The following RPS6KC1 variants were observed in gnomAD, a reference collection of about 807,000 sequenced individuals.
RPS6KC1 encodes the protein ribosomal protein S6 kinase C1.
RPS6KC1 carries 54 observed loss-of-function variants against 103.8 expected under a neutral mutation model. That is an observed-to-expected ratio of 0.52 (90% confidence interval 0.42 to 0.65). The LOEUF (loss-of-function observed/expected upper bound fraction) is 0.65. Ranked by LOEUF, RPS6KC1 falls within the 30% of genes least tolerant of loss-of-function variation. The pLI, the probability that RPS6KC1 is intolerant of heterozygous loss-of-function variation, is 0.00. For missense variants in RPS6KC1, 1,151 were observed against 1,253.8 expected (o/e 0.92, Z 1.24); for synonymous variants, 439 against 438.7 (o/e 1.00, Z -0.01).
chr1:213,763,824 C>G, the RPS6KC1 span, among the ~76,000 whole-genome samples: 1 of 152,206 alleles, frequency 6.6e-6, no homozygotes, highest in Non-Finnish European at 1.5e-5. Flanking sequence ...GATGGGCAAG[C>G]AGGCACAGGA....
chr1:213,778,557 C>T, the RPS6KC1 span, among the ~76,000 whole-genome samples: 12 of 151,724 alleles, frequency 7.9e-5, no homozygotes, highest in African/African-American at 2.4e-4. Flanking sequence ...TGGCCTGATC[C>T]TTTTTTTTCT....
chr1:213,687,176 A>G, the RPS6KC1 span, among the ~76,000 whole-genome samples: 2 of 152,126 alleles, frequency 1.3e-5, no homozygotes, highest in Non-Finnish European at 2.9e-5. Flanking sequence ...TTATCCTGTG[A>G]CTAAGAATGT....
the RPS6KC1 span, among the ~76,000 whole-genome samples, chr1:213,440,593 T>TAAAAA: frequency 2.2e-4 from 22 of 100,370 alleles, no homozygotes; most frequent in East Asian, 3.1e-4. Flanking sequence ...TTAATGGAAC[T>TAAAAA]AAAAAAAAAA....
At chr1:213,071,362 C>T (rs1387829153) in intron 2 of RPS6KC1, among the ~76,000 whole-genome samples, 1 of 152,148 alleles carries the variant, frequency 6.6e-6, no homozygotes, top group East Asian at 1.9e-4. Context: ...TTCCTGACCT[C>T]AGGTGATCCA....
chr1:213,800,580 G>T, the RPS6KC1 span, among the ~76,000 whole-genome samples: 558 of 152,202 alleles, frequency 3.7e-3, 4 homozygotes, highest in African/African-American at 0.011. Context: ...CAACCTCACT[G>T]TGCTGTCCCA....
chr1:213,707,466 G>T, the RPS6KC1 span, among the ~76,000 whole-genome samples: 2 of 151,982 alleles, frequency 1.3e-5, no homozygotes, highest in African/African-American at 4.8e-5. Flanking sequence ...CAGATGGATA[G>T]ATTGCAAAAA....
the RPS6KC1 span, among the ~76,000 whole-genome samples, chr1:213,399,918 G>A: frequency 1.3e-5 from 2 of 152,112 alleles, no homozygotes; most frequent in Non-Finnish European, 2.9e-5. Flanking sequence ...AGCTTTTGTT[G>A]TCACTCAGGA....
the RPS6KC1 span, among the ~76,000 whole-genome samples, chr1:213,448,841 T>A: frequency 6.6e-6 from 1 of 152,030 alleles, no homozygotes; most frequent in Non-Finnish European, 1.5e-5. Context: ...TGCTCAAAGC[T>A]TTTATAGAAC....
At chr1:213,743,129 A>C in the RPS6KC1 span, among the ~76,000 whole-genome samples, 1 of 152,256 alleles carries the variant, frequency 6.6e-6, no homozygotes, top group Non-Finnish European at 1.5e-5. Context: ...AAGACATGGA[A>C]TCAGCCTCGG....
chr1:213,167,722 A>C (rs1317637211), intron 6 of RPS6KC1, 136 bp from the exon 7 acceptor site: 1 of 488,986 alleles, frequency 2.0e-6, no homozygotes, highest in Admixed American at 3.8e-5. Context: ...AATAACTTTC[A>C]TGTCTTTTCC....
At chr1:213,111,019 C>G (rs950605320) in intron 4 of RPS6KC1, among the ~76,000 whole-genome samples, 5 of 151,738 alleles carry the variant, frequency 3.3e-5, no homozygotes, top group African/African-American at 1.2e-4. Context: ...GTTTTCAAGA[C>G]TTGCCTTGCC....
intron 6 of RPS6KC1, among the ~76,000 whole-genome samples, chr1:213,133,223 AAT>A (rs1490394023): frequency 6.6e-6 from 1 of 152,124 alleles, no homozygotes; most frequent in African/African-American, 2.4e-5. Flanking sequence ...AGGATGTTGC[AAT>A]ATATATATCA....
intron 8 of RPS6KC1, among the ~76,000 whole-genome samples, chr1:213,204,320 G>A (rs984500292): frequency 6.6e-6 from 1 of 152,142 alleles, no homozygotes; most frequent in Non-Finnish European, 1.5e-5. Flanking sequence ...CCAAGTATAT[G>A]TATAATGTCA....
chr1:213,096,486 C>T (rs890841652), intron 3 of RPS6KC1, among the ~76,000 whole-genome samples: 7 of 151,968 alleles, frequency 4.6e-5, no homozygotes, highest in Non-Finnish European at 5.9e-5. Flanking sequence ...GTCAGGAGTT[C>T]GAGACCAGCC....
chr1:213,187,287 C>CTTTTTT, intron 8 of RPS6KC1, among the ~76,000 whole-genome samples: 1 of 141,778 alleles, frequency 7.1e-6, no homozygotes. Flanking sequence ...CTCACTCTGT[C>CTTTTTT]ACCTAGGCTG....
chr1:213,602,118 T>TTCTCTCTCTC, the RPS6KC1 span, among the ~76,000 whole-genome samples: 1 of 8,896 alleles, frequency 1.1e-4, no homozygotes, highest in African/African-American at 4.1e-4. Context: ...CTTTCTTTCT[T>TTCTCTCTCTC]TCTCTTTCTT....
At chr1:213,631,976 T>C in the RPS6KC1 span, among the ~76,000 whole-genome samples, 1 of 152,168 alleles carries the variant, frequency 6.6e-6, no homozygotes, top group Non-Finnish European at 1.5e-5. Flanking sequence ...TGTTGTCCTT[T>C]TGAGAATGTC....
At chr1:213,211,714 G>GT (rs1256380059) in intron 8 of RPS6KC1, among the ~76,000 whole-genome samples, 2 of 152,154 alleles carry the variant, frequency 1.3e-5, no homozygotes, top group Admixed American at 1.3e-4. Flanking sequence ...CATCATTGAG[G>GT]AATGGCTTAT....
At chr1:213,135,917 A>G (rs1165622025) in intron 6 of RPS6KC1, among the ~76,000 whole-genome samples, 1 of 152,328 alleles carries the variant, frequency 6.6e-6, no homozygotes, top group African/African-American at 2.4e-5. Context: ...TACTCAGGTA[A>G]TTCTCTTTCA....
Sources: allele counts gnomAD v4.1 joint callset (sites outside exome capture counted in the v4.1 genomes callset), GRCh38; gene constraint gnomAD v4.1.1; transcripts MANE v1.5; gene names NCBI Gene and HGNC (gene_info 2026-07-23, HGNC 2026-07-21).